Variants in WDR1 observed in about 807,000 individuals in gnomAD.
WDR1 encodes the protein WD repeat-containing protein 1.
WDR1 carries 21 observed loss-of-function variants against 71.9 expected under a neutral mutation model. The ratio of observed to expected loss-of-function variants is 0.29; its 90% confidence interval spans 0.21 to 0.42. WDR1 has a LOEUF of 0.42. Ranked by LOEUF, WDR1 falls within the 10% of genes least tolerant of loss-of-function variation. WDR1 has a pLI of 1.00. For missense variants in WDR1, 696 were observed against 824.5 expected (o/e 0.84, Z 1.91); for synonymous variants, 424 against 347.4 (o/e 1.22, Z -2.45).
intron 6 of WDR1, 89 bp from the exon 7 acceptor site, chr4:10,088,462 C>G (rs1412859520): frequency 7.4e-7 from 1 of 1,358,318 alleles, no homozygotes; most frequent in South Asian, 1.2e-5. Flanking sequence ...TGTAGAAAAC[C>G]GGGGCTCACA....
intron 3 of WDR1, among the ~76,000 whole-genome samples, chr4:10,100,941 G>A (rs1187463013): frequency 6.6e-6 from 1 of 152,196 alleles, no homozygotes. Flanking sequence ...GGCCCATCCA[G>A]GGCCCATGCT....
chr4:10,081,226 T>C, intron 11 of WDR1, 131 bp downstream of exon 11: 1 of 731,188 alleles, frequency 1.4e-6, no homozygotes, highest in Non-Finnish European at 2.4e-6. Context: ...TGAGATCCCT[T>C]AGTGCAGTGC....
chr4:10,089,560 CAG>C (rs1711830494), intron 5 of WDR1, among the ~76,000 whole-genome samples: 1 of 152,224 alleles, frequency 6.6e-6, no homozygotes, highest in South Asian at 2.1e-4. Flanking sequence ...GAGTTTGTAT[CAG>C]AGACTGATCC....
Position 10,087,910 on chromosome 4 carries a change from G to C in WDR1, c.748C>G (p.Leu250Val). ...GAAGTTTTGTCCCCAGAAGCAGAAA[G>C]CAAATGGGTGCTGTCGGGACTCCAA... The part of the protein sequence containing the change: ...ISWSPDSTHL[L>V]SASGDKTSKI... The change falls in exon 8 of 15, where the codon CTT (leucine) becomes GTT (valine). Residue 250 changes from leucine to valine, a missense_variant. Physicochemically the swap from Leu to Val is conservative, Grantham distance 32 (BLOSUM62 1). Transcript: ENST00000499869. The C allele has an allele frequency of 6.4e-7, 1 of 1,558,506 alleles. No individual in the cohort carries two copies. The highest frequency in any genetic ancestry group is 8.7e-7 in the Non-Finnish European group (1 of 1,150,360).
At chr4:10,101,401 C>T (rs1485276673) in intron 3 of WDR1, among the ~76,000 whole-genome samples, 2 of 152,216 alleles carry the variant, frequency 1.3e-5, no homozygotes, top group African/African-American at 2.4e-5. Context: ...CTCCAAACCA[C>T]CCCCCTACCA....
chr4:10,103,611 C>G (rs1332257597), intron 3 of WDR1, among the ~76,000 whole-genome samples: 1 of 152,198 alleles, frequency 6.6e-6, no homozygotes, highest in African/African-American at 2.4e-5. Flanking sequence ...AAAAACCTCA[C>G]GTTTTAAAAA....
rs114553353 is a variant in WDR1 at position 10,086,024 on chromosome 4, G to A, written c.952-1494C>T. ...CAGTTGGCAGCAGTGGTATTAGGAA[G>A]AGCACTCTCAGGGCAGCCCTGCCAA... On this transcript the variant is annotated intron_variant, in intron 8 of 14. Transcript: ENST00000499869. Among the ~76,000 whole-genome samples the A allele has an allele frequency of 6.0e-3, 921 of 152,332 alleles. 12 individuals are homozygous for A. Among genetic ancestry groups the A allele is most frequent in the African/African-American group, 0.021 (865 of 41,576 alleles).
intron 6 of WDR1, 128 bp downstream of exon 6, chr4:10,088,536 C>T: frequency 9.0e-7 from 1 of 1,113,210 alleles, no homozygotes; most frequent in Non-Finnish European, 1.3e-6. Context: ...GACGAGTCTG[C>T]AGATGTGGGG....
intron 3 of WDR1, among the ~76,000 whole-genome samples, chr4:10,102,098 A>T (rs1712714810): frequency 6.6e-6 from 1 of 152,238 alleles, no homozygotes. Flanking sequence ...CAGCTCACCC[A>T]GCCGCCTGGC....
intron 2 of WDR1, chr4:10,108,143 T>C (rs1713126791): frequency 6.6e-6 from 1 of 152,186 alleles, no homozygotes; most frequent in African/African-American, 2.4e-5. Context: ...AGAAGCGACA[T>C]TTCCGTAACT....
At chr4:10,104,678 A>G (rs1314786608) in intron 2 of WDR1, among the ~76,000 whole-genome samples, 1 of 152,118 alleles carries the variant, frequency 6.6e-6, no homozygotes, top group Non-Finnish European at 1.5e-5. Context: ...CGGCATACAC[A>G]CACACGCAGG....
chr4:10,097,954 G>A lies in WDR1; in HGVS notation c.378-63C>T, dbSNP rs1712453805. On this transcript the variant is annotated intron_variant, in intron 4 of 14. Coordinates refer to ENST00000499869, the MANE Select transcript of WDR1 (RefSeq NM_017491.5). ...AAAAAAAATCAATCCCAGAAGGCTG[G>A]TAAGCAATCTGATAGCTGAGCTGCC... 4.1e-6 allele frequency: 6 copies of A among 1,453,644 alleles called. No homozygotes were observed. The South Asian group carries it at 8.5e-5, about 21-fold the overall frequency. The allele number at this position is 1,453,644 out of a possible 1,614,324, so 90.0% of individuals were successfully genotyped here.
chr4:10,112,299 G>A (rs982816153), intron 2 of WDR1, among the ~76,000 whole-genome samples: 1 of 152,130 alleles, frequency 6.6e-6, no homozygotes, highest in Non-Finnish European at 1.5e-5. Context: ...AGCACCTGCA[G>A]GAAGCCTTCC....
At chr4:10,115,820 C>T in intron 2 of WDR1, 1 of 361,280 alleles carries the variant, frequency 2.8e-6, no homozygotes, top group Non-Finnish European at 5.2e-6. Flanking sequence ...CTAACCAGGC[C>T]TGACCGTGCT....
chr4:10,080,272 G>A (rs1034165847), intron 11 of WDR1, among the ~76,000 whole-genome samples: 3 of 152,202 alleles, frequency 2.0e-5, no homozygotes, highest in Admixed American at 6.5e-5. Context: ...CACAGGGCAC[G>A]CTGCCCTAGG....
At chr4:10,083,223 T>C in intron 9 of WDR1, 45 bp from the exon 10 acceptor site, 2 of 1,586,204 alleles carry the variant, frequency 1.3e-6, no homozygotes, top group South Asian at 1.1e-5. Flanking sequence ...GACTGCTGGG[T>C]GTTCTCAGGT....
intron 8 of WDR1, among the ~76,000 whole-genome samples, chr4:10,086,014 G>T (rs546370575): frequency 2.6e-4 from 39 of 152,294 alleles, no homozygotes; most frequent in African/African-American, 9.1e-4. Context: ...GGCAGCAGTG[G>T]TATTAGGAAG....
At chr4:10,116,288 G>C in intron 1 of WDR1, 54 bp from the exon 2 acceptor site, 2 of 1,609,798 alleles carry the variant, frequency 1.2e-6, no homozygotes, top group Non-Finnish European at 1.7e-6. Context: ...GGACGGCGGG[G>C]ACAGAAGGGA....
rs528123591 is a variant in WDR1 at position 10,076,511 on chromosome 4, A to C, written c.1714+793T>G. On this transcript the variant is annotated intron_variant, in intron 14 of 14. Coordinates refer to ENST00000499869, the MANE Select transcript of WDR1 (RefSeq NM_017491.5). ...TCCATTTCATTCATGAACTTGTTTGATTCTCACTACCAGACTGGCGATTGC... is the reference window on the plus strand; with the variant it reads ...TCCATTTCATTCATGAACTTGTTTGCTTCTCACTACCAGACTGGCGATTGC... The C allele has an allele frequency of 7.9e-5, 12 of 152,316 alleles. 1 individual carries two copies. Among genetic ancestry groups the C allele is most frequent in the African/African-American group, 2.9e-4 (12 of 41,548 alleles). The allele number at this position is 152,316 out of a possible 1,614,324, so 9.4% of individuals were successfully genotyped here. A position where few individuals can be genotyped will look rare whatever the true frequency, so the allele number is the denominator to read the frequency against.
Sources: gnomAD v4.1 joint callset for allele counts (sites outside exome capture counted in the v4.1 genomes callset) on GRCh38, gnomAD v4.1.1 for gene constraint, MANE v1.5 for transcripts, NCBI Gene and HGNC (gene_info 2026-07-23, HGNC 2026-07-21) for gene names.